Variants in TNFRSF11B observed in about 807,000 individuals in gnomAD.
The protein encoded by TNFRSF11B is tumor necrosis factor receptor superfamily member 11B.
A neutral mutation model predicts 43.4 loss-of-function variants in TNFRSF11B; 16 were observed. That is an observed-to-expected ratio of 0.37 (90% CI 0.25 to 0.56). The LOEUF (loss-of-function observed/expected upper bound fraction) is 0.56. Ranked by LOEUF, TNFRSF11B falls within the 20% of genes least tolerant of loss-of-function variation. TNFRSF11B has a pLI of 0.80. For missense variants in TNFRSF11B, 444 were observed against 490.1 expected (o/e 0.91, Z 0.89); for synonymous variants, 185 against 181.8 (o/e 1.02, Z -0.14).
intron 1 of TNFRSF11B, among the ~76,000 whole-genome samples, chr8:118,942,523 T>A (rs184853777): frequency 6.6e-6 from 1 of 152,228 alleles, no homozygotes; most frequent in East Asian, 1.9e-4. Flanking sequence ...ATTGACTGCA[T>A]GTCTATGATG....
chr8:118,929,229 C>T (rs1812291898), intron 2 of TNFRSF11B, among the ~76,000 whole-genome samples: 1 of 152,226 alleles, frequency 6.6e-6, no homozygotes, highest in Non-Finnish European at 1.5e-5. Flanking sequence ...AGTCCAGCCT[C>T]CGCTGAGTGG....
At chr8:118,948,703 GT>G (rs1016335428) in intron 1 of TNFRSF11B, among the ~76,000 whole-genome samples, 24 of 151,928 alleles carry the variant, frequency 1.6e-4, no homozygotes, top group Non-Finnish European at 2.5e-4. Flanking sequence ...GATCAGGACT[GT>G]TTTGGATTGA....
At chr8:118,943,650 A>T (rs1041112591) in intron 1 of TNFRSF11B, among the ~76,000 whole-genome samples, 7 of 152,136 alleles carry the variant, frequency 4.6e-5, no homozygotes, top group African/African-American at 7.2e-5. Flanking sequence ...CTTTTTGTGA[A>T]AATTAAGTGA....
At chr8:118,931,134 G>A (rs182766730) in intron 2 of TNFRSF11B, among the ~76,000 whole-genome samples, 1 of 152,290 alleles carries the variant, frequency 6.6e-6, no homozygotes, top group East Asian at 1.9e-4. Context: ...AATAAAATAT[G>A]GAGAGGAGAC....
intron 2 of TNFRSF11B, among the ~76,000 whole-genome samples, chr8:118,930,224 A>G (rs981550982): frequency 1.3e-5 from 2 of 152,066 alleles, no homozygotes; most frequent in African/African-American, 4.8e-5. Flanking sequence ...ACTACATCCT[A>G]CTCCTTAAAT....
intron 4 of TNFRSF11B, among the ~76,000 whole-genome samples, chr8:118,925,303 A>G (rs1429051053): frequency 6.6e-5 from 10 of 152,226 alleles, no homozygotes; most frequent in Non-Finnish European, 1.2e-4. Context: ...TTTCAGTAAT[A>G]AGCTAGGGTA....
chr8:118,947,435 T>C (rs1302473004), intron 1 of TNFRSF11B, among the ~76,000 whole-genome samples: 2 of 152,170 alleles, frequency 1.3e-5, no homozygotes, highest in African/African-American at 4.8e-5. Flanking sequence ...AAAGAGCCCA[T>C]ACTTTGCCAC....
At chr8:118,936,550 G>A (rs964130561) in intron 1 of TNFRSF11B, among the ~76,000 whole-genome samples, 29 of 152,076 alleles carry the variant, frequency 1.9e-4, no homozygotes, top group African/African-American at 5.8e-4. Context: ...CTGGAAAAGC[G>A]ATGAAAAATA....
intron 2 of TNFRSF11B, among the ~76,000 whole-genome samples, chr8:118,931,549 C>T (rs770805173): frequency 6.6e-6 from 1 of 152,102 alleles, no homozygotes; most frequent in Non-Finnish European, 1.5e-5. Context: ...CACCCCGCAC[C>T]CTGACACACA....
At position 118,928,780 on chromosome 8, in the gene TNFRSF11B, T is replaced by C. The variant is rs941106739; in HGVS notation, c.550A>G (p.Ile184Val). The C allele has an allele frequency of 7.4e-6, 12 of 1,614,090 alleles. No homozygotes were observed. Among genetic ancestry groups the C allele is most frequent in the Non-Finnish European group, 1.0e-5 (12 of 1,180,044 alleles). ...TQKGNATHDN[I>V]CSGNSESTQK... is the part of the protein sequence containing the mutation. Reference sequence around the variant, plus strand: ...GTTGATTCACTGTTTCCGGAACATATGTTGTCGTGTGTTGCATTTCCTTTC... The same window carrying C: ...GTTGATTCACTGTTTCCGGAACATACGTTGTCGTGTGTTGCATTTCCTTTC... Residue 184 changes from isoleucine to valine, a missense_variant, in exon 3 of 5, where the codon ATA becomes GTA. Physicochemically the swap from Ile to Val is conservative, Grantham distance 29. Transcript: ENST00000297350.
At chr8:118,936,318 T>A (rs1022152160) in intron 1 of TNFRSF11B, among the ~76,000 whole-genome samples, 1 of 152,202 alleles carries the variant, frequency 6.6e-6, no homozygotes, top group Non-Finnish European at 1.5e-5. Context: ...ATTACAAACT[T>A]GTTTTCAGCA....
At chr8:118,943,521 T>C (rs1473729906) in intron 1 of TNFRSF11B, among the ~76,000 whole-genome samples, 3 of 152,094 alleles carry the variant, frequency 2.0e-5, no homozygotes, top group African/African-American at 7.2e-5. Context: ...CTAATAGATA[T>C]ATACTAGTAT....
intron 1 of TNFRSF11B, among the ~76,000 whole-genome samples, chr8:118,936,856 G>C (rs762632465): frequency 6.6e-6 from 1 of 152,056 alleles, no homozygotes; most frequent in Non-Finnish European, 1.5e-5. Flanking sequence ...TTTGTTTTAT[G>C]CTTGACTTTT....
rs150777320 is a variant in TNFRSF11B, at chr8:118,933,227, G to T, written c.104C>A (p.Thr35Asn). The T allele has an allele frequency of 3.2e-4, 517 of 1,614,028 alleles. No individual in the cohort carries two copies. The highest frequency in any genetic ancestry group is 4.2e-4 in the Non-Finnish European group (497 of 1,180,028). Residue 35 changes from threonine to asparagine, a missense_variant, in exon 2 of 5, where the codon ACC becomes AAC. Transcript: ENST00000297350. ...TTTGTCACACAACAGCTGATGAGAG[G>T]TTTCTTCGTCATAATGAAGGTACTT... is the stretch of plus-strand genomic sequence containing the variant. ...PPKYLHYDEE[T>N]SHQLLCDKCP...
chr8:118,939,005 G>A (rs556573878), intron 1 of TNFRSF11B, among the ~76,000 whole-genome samples: 3 of 152,230 alleles, frequency 2.0e-5, no homozygotes, highest in East Asian at 1.9e-4. Flanking sequence ...GTGATCCCTC[G>A]TCATGATCTT....
intron 1 of TNFRSF11B, among the ~76,000 whole-genome samples, chr8:118,944,067 T>A (rs1362432499): frequency 6.6e-6 from 1 of 152,142 alleles, no homozygotes; most frequent in East Asian, 1.9e-4. Context: ...TTGTAAATGT[T>A]CTTTGCAGTT....
chr8:118,933,391 T>C, intron 1 of TNFRSF11B, 91 bp from the exon 2 acceptor site: 1 of 1,574,642 alleles, frequency 6.4e-7, no homozygotes, highest in Non-Finnish European at 8.6e-7. Flanking sequence ...CAAAGTCCTG[T>C]ATTACCTTAA....
intron 1 of TNFRSF11B, among the ~76,000 whole-genome samples, chr8:118,943,263 C>G (rs1347248010): frequency 6.6e-6 from 1 of 151,950 alleles, no homozygotes; most frequent in Non-Finnish European, 1.5e-5. Context: ...GTTCTGTTAC[C>G]TAGGGAATCT....
intron 1 of TNFRSF11B, among the ~76,000 whole-genome samples, chr8:118,940,265 C>T (rs1812466386): frequency 2.0e-5 from 3 of 152,032 alleles, no homozygotes; most frequent in South Asian, 4.2e-4. Flanking sequence ...ACCAACATGG[C>T]GCATGTATAC....
Sources: allele counts gnomAD v4.1 joint callset (sites outside exome capture counted in the v4.1 genomes callset), GRCh38; gene constraint gnomAD v4.1.1; transcripts MANE v1.5; gene names NCBI Gene and HGNC (gene_info 2026-07-23, HGNC 2026-07-21).